OR9I1: variants seen among roughly 807,000 people sequenced by gnomAD.
OR9I1 encodes olfactory receptor 9I1.
A neutral mutation model predicts 11.2 loss-of-function variants in OR9I1; 7 were observed. The ratio of observed to expected loss-of-function variants is 0.62; its 90% CI spans 0.36 to 1.17. The LOEUF is 1.17. OR9I1 is among the 50% of genes most tolerant of loss of function. The pLI, the probability that OR9I1 is intolerant of heterozygous loss-of-function variation, is 0.02. For synonymous variants in OR9I1, 165 were observed against 153.4 expected (o/e 1.08, Z -0.56); for missense variants, 428 against 377.2 (o/e 1.13, Z -1.12).
rs1389510120 is a variant in OR9I1 at position 58,119,332 on chromosome 11, G to T, written c.113C>A (p.Thr38Asn). 2 of 1,613,648 alleles carry T rather than the reference G, an allele frequency of 1.2e-6. No individual in the cohort carries two copies. The highest frequency in any genetic ancestry group is 2.7e-5 in the African/African-American group (2 of 74,892). The change falls in exon 3 of 3, where the codon ACC becomes AAC. Residue 38 changes from threonine (T) to asparagine (N), a missense_variant. Physicochemically the swap from Thr to Asn is moderately conservative, Grantham distance 65 (BLOSUM62 0). Transcript: ENST00000641439. ...FLVFLSFYLV[T>N]LLGNVGMIML... Reference sequence around the variant, plus strand: ...AATCATCCCCACATTCCCAAGAAGGGTGACTAGGTAGAAACTCAGAAACAC... The same window carrying T: ...AATCATCCCCACATTCCCAAGAAGGTTGACTAGGTAGAAACTCAGAAACAC...
At chr11:58,123,026 T>C (rs1198197481) in intron 2 of OR9I1, among the ~76,000 whole-genome samples, 1 of 152,042 alleles carries the variant, frequency 6.6e-6, no homozygotes, top group Non-Finnish European at 1.5e-5. Flanking sequence ...TACTTATCAA[T>C]TCTACTAGAG....
chr11:58,118,866 T>C lies in OR9I1; in HGVS notation c.579A>G (p.Ala193=), dbSNP rs749396103. The part of the protein sequence containing the change: ...PLLKLACSDT[A]NIEIVIIFFG... The stretch of plus-strand genomic sequence containing the variant: ...AGAAGATGATGACAATCTCGATGTT[T>C]GCTGTGTCACTGCAGGCAAGCTTCA... The change falls in exon 3 of 3, where the codon GCA becomes GCG. Residue 193 remains alanine, a synonymous_variant. Transcript: ENST00000641439. 6.2e-7 allele frequency: 1 copy of C among 1,614,024 alleles called. No homozygotes were observed. Among genetic ancestry groups the C allele is most frequent in the South Asian group, 1.1e-5 (1 of 91,076 alleles).
intron 2 of OR9I1, among the ~76,000 whole-genome samples, chr11:58,122,925 ATT>A (rs939930559): frequency 1.3e-5 from 2 of 149,338 alleles, no homozygotes; most frequent in Non-Finnish European, 3.0e-5. Flanking sequence ...CATACACCGT[ATT>A]TTTGTGATTT....
At position 58,116,909 on chromosome 11, in the gene OR9I1, A is replaced by G. The variant is rs748521114; in HGVS notation, c.*1591T>C. 2 of 152,238 alleles carry G rather than the reference A, an allele frequency of 1.3e-5. No individual in the cohort carries two copies. The highest frequency in any genetic ancestry group is 2.9e-5 in the Non-Finnish European group (2 of 68,044). 9.4% of individuals were successfully genotyped at this position (152,238 alleles called of 1,614,324 possible). A position where few individuals can be genotyped will look rare whatever the true frequency, so the allele number is the denominator to read the frequency against. On this transcript the variant is annotated 3_prime_UTR_variant, in exon 3 of 3. Coordinates refer to ENST00000641439, the MANE Select transcript of OR9I1 (RefSeq NM_001005211.2). ...AAATAACATATTCACTTACAAATAC[A>G]TCCTTTTATTATTCTTGACTATGTG...
At chr11:58,123,537 T>C (rs117888224) in intron 2 of OR9I1, among the ~76,000 whole-genome samples, 1 of 152,186 alleles carries the variant, frequency 6.6e-6, no homozygotes, top group Non-Finnish European at 1.5e-5. Flanking sequence ...GTTTCATACA[T>C]TAGCTCTAGT....
intron 1 of OR9I1, among the ~76,000 whole-genome samples, chr11:58,124,878 G>A (rs1337311772): frequency 6.6e-6 from 1 of 152,108 alleles, no homozygotes; most frequent in African/African-American, 2.4e-5. Context: ...ACTATGCATT[G>A]TAGACACATT....
rs1407382017 is a variant in OR9I1, at chr11:58,116,799, T to A, written c.*1701A>T. The A allele has an allele frequency of 1.3e-5, 2 of 152,214 alleles. No individual in the cohort carries two copies. Among genetic ancestry groups the A allele is most frequent in the Non-Finnish European group, 2.9e-5 (2 of 68,034 alleles). 9.4% of individuals were successfully genotyped at this position (152,214 alleles called of 1,614,324 possible). On this transcript the variant is annotated 3_prime_UTR_variant, in exon 3 of 3. Transcript: ENST00000641439. ...CAAGATATTTGGTGAATTATTTTAA[T>A]AAAATTGTTGTTTCCATATGGAGAG...
chr11:58,122,104 C>G (rs1264477053), intron 2 of OR9I1, among the ~76,000 whole-genome samples: 1 of 152,190 alleles, frequency 6.6e-6, no homozygotes, highest in South Asian at 2.1e-4. Flanking sequence ...GAGGCCCCAT[C>G]TCTAGAATCA....
intron 1 of OR9I1, 40 bp downstream of exon 1, chr11:58,125,230 TTACC>T (rs1854077661): frequency 1.9e-5 from 1 of 52,152 alleles, no homozygotes. Context: ...GATTCCCCCC[TTACC>T]CACCGCCCCC....
rs776173707 is a variant in OR9I1 at position 58,118,504 on chromosome 11, A to T, written c.941T>A (p.Met314Lys). 9 of 1,586,144 alleles carry T rather than the reference A, an allele frequency of 5.7e-6. No individual in the cohort carries two copies. Among genetic ancestry groups the T allele is most frequent in the Admixed American group, 5.5e-5 (3 of 54,674 alleles). The change falls in exon 3 of 3, where the codon ATG becomes AAG. Residue 314 changes from methionine (M) to lysine (K), a missense_variant. By Grantham distance (95) the Met-to-Lys change is moderately conservative. Coordinates refer to ENST00000641439, the MANE Select transcript of OR9I1 (RefSeq NM_001005211.2). ...VARRLQVSLS[M>K] ...AAGAATTCCTCTTACTTAGATCTAC[A>T]TGCTCAGGGACACCTGGAGTCTCCT... is the stretch of plus-strand genomic sequence containing the variant.
Position 58,118,999 on chromosome 11 carries a change from T to A in OR9I1, c.446A>T (p.Tyr149Phe). Residue 149 changes from tyrosine (Y) to phenylalanine (F), a missense_variant, in exon 3 of 3, where the codon TAT (tyrosine) becomes TTT (phenylalanine). By Grantham distance (22) the Tyr-to-Phe change is conservative. Coordinates refer to ENST00000641439, the MANE Select transcript of OR9I1 (RefSeq NM_001005211.2). Reference protein sequence around the residue: ...RLCWSLVVGAYVCGVSGAILR... With the variant: ...RLCWSLVVGAFVCGVSGAILR... Reference sequence around the variant, plus strand: ...GATGGCTCCTGACACCCCACAGACATAGGCTCCTACCACCAGGCTCCAGCA... The same window carrying A: ...GATGGCTCCTGACACCCCACAGACAAAGGCTCCTACCACCAGGCTCCAGCA... The A allele has an allele frequency of 1.2e-6, 2 of 1,613,868 alleles. No homozygotes were observed. The highest frequency in any genetic ancestry group is 1.7e-5 in the Admixed American group (1 of 60,006).
chr11:58,123,552 C>G (rs535330362), intron 2 of OR9I1, among the ~76,000 whole-genome samples: 239 of 152,256 alleles, frequency 1.6e-3, no homozygotes, highest in Non-Finnish European at 2.8e-3. Flanking sequence ...TCTAGTCCTT[C>G]CTGAAGCCCT....
chr11:58,118,474 A>G lies in OR9I1; in HGVS notation c.*26T>C, dbSNP rs558599142. ...TATTCATATGGGAAGAAAGTGGACT[A>G]AAACAAGAATTCCTCTTACTTAGAT... On this transcript the variant is annotated 3_prime_UTR_variant, in exon 3 of 3. Coordinates refer to ENST00000641439, the MANE Select transcript of OR9I1 (RefSeq NM_001005211.2). 3.4e-6 allele frequency: 5 copies of G among 1,468,996 alleles called. No individual in the cohort carries two copies. In the South Asian group the frequency reaches 5.1e-5, roughly 15 times the overall value. 91.0% of individuals were successfully genotyped at this position (1,468,996 alleles called of 1,614,324 possible).
Position 58,118,901 on chromosome 11 carries a change from G to C in OR9I1, c.544C>G (p.Pro182Ala), listed in dbSNP as rs1275713740. The C allele has an allele frequency of 1.2e-5, 20 of 1,614,008 alleles. No individual in the cohort carries two copies. Among genetic ancestry groups the C allele is most frequent in the Non-Finnish European group, 1.7e-5 (20 of 1,179,988 alleles). The change falls in exon 3 of 3, where the codon CCA (proline) becomes GCA (alanine). Residue 182 changes from proline to alanine, a missense_variant. By Grantham distance (27) the Pro-to-Ala change is conservative. Coordinates refer to ENST00000641439, the MANE Select transcript of OR9I1 (RefSeq NM_001005211.2). Reference sequence around the variant, plus strand: ...CTGCAGGCAAGCTTCAGCAGGGGTGGGAGGTCACAGAAGAAGAAGTTTATT... The same window carrying C: ...CTGCAGGCAAGCTTCAGCAGGGGTGCGAGGTCACAGAAGAAGAAGTTTATT... ...NQINFFFCDL[P>A]PLLKLACSDT...
rs763534778 is a variant in OR9I1 at position 58,119,204 on chromosome 11, T to C, written c.241A>G (p.Ile81Val). Residue 81 changes from isoleucine to valine, a missense_variant, in exon 3 of 3, where the codon ATC becomes GTC. Coordinates refer to ENST00000641439, the MANE Select transcript of OR9I1 (RefSeq NM_001005211.2). The stretch of plus-strand genomic sequence containing the variant: ...TTGCCTGTGGCCAATGTGGCTAGGA[T>C]CTGAGGGGTGATGACTGAGGTGTAA... ...ACYTSVITPQ[I>V]LATLATGKTV... The C allele has an allele frequency of 6.2e-7, 1 of 1,613,906 alleles. No homozygotes were observed. The highest frequency in any genetic ancestry group is 8.5e-7 in the Non-Finnish European group (1 of 1,179,930).
intron 2 of OR9I1, among the ~76,000 whole-genome samples, chr11:58,121,013 C>G (rs1397128933): frequency 6.6e-6 from 1 of 151,864 alleles, no homozygotes; most frequent in Non-Finnish European, 1.5e-5. Context: ...CGGGTTGATT[C>G]TACTATCAGT....
chr11:58,119,786 C>T (rs1312084744), intron 2 of OR9I1, among the ~76,000 whole-genome samples: 1 of 151,856 alleles, frequency 6.6e-6, no homozygotes, highest in Non-Finnish European at 1.5e-5. Flanking sequence ...TTACCATATA[C>T]CCACCACACG....
intron 2 of OR9I1, among the ~76,000 whole-genome samples, chr11:58,121,993 G>C (rs151309199): frequency 6.6e-6 from 1 of 152,288 alleles, no homozygotes; most frequent in Admixed American, 6.5e-5. Flanking sequence ...GGGGATAACA[G>C]GCAGGTCCTC....
chr11:58,124,812 G>A (rs191803616), intron 1 of OR9I1, among the ~76,000 whole-genome samples, 173 bp from the exon 2 acceptor site: 3 of 152,290 alleles, frequency 2.0e-5, no homozygotes, highest in South Asian at 2.1e-4. Context: ...ACGCTGTGCT[G>A]CTTTTCCTAA....
Sources: allele counts gnomAD v4.1 joint callset (sites outside exome capture counted in the v4.1 genomes callset), GRCh38; gene constraint gnomAD v4.1.1; transcripts MANE v1.5; gene names NCBI Gene and HGNC (gene_info 2026-07-23, HGNC 2026-07-21).